EDARADD: variants seen among roughly 807,000 people sequenced by gnomAD.
The protein encoded by EDARADD is EDAR associated via death domain.
Under a neutral mutation model 25.6 loss-of-function variants are expected in EDARADD, and 20 were observed. That is an observed-to-expected ratio of 0.78 (90% CI 0.55 to 1.14). EDARADD has a LOEUF of 1.14. EDARADD is among the 50% of genes most tolerant of loss of function. The pLI is 0.00. For synonymous variants in EDARADD, 86 were observed against 94.4 expected, an observed-to-expected ratio of 0.91 and a Z score of 0.52; for missense variants, 225 against 270.1, an observed-to-expected ratio of 0.83 and a Z score of 1.17.
intron 3 of EDARADD, among the ~76,000 whole-genome samples, chr1:236,356,199 T>C (rs1558099075): frequency 6.6e-6 from 1 of 152,016 alleles, no homozygotes; most frequent in Non-Finnish European, 1.5e-5. Context: ...ATACCAGCAG[T>C]AGCCTCTCCC....
chr1:236,403,560 T>C (rs1443660285), intron 1 of EDARADD, among the ~76,000 whole-genome samples: 1 of 152,200 alleles, frequency 6.6e-6, no homozygotes, highest in African/African-American at 2.4e-5. Flanking sequence ...GTGCTGGGAT[T>C]ACAGGTGTGA....
intron 1 of EDARADD, among the ~76,000 whole-genome samples, chr1:236,404,464 C>T (rs1010601239): frequency 6.6e-6 from 1 of 152,110 alleles, no homozygotes; most frequent in Non-Finnish European, 1.5e-5. Context: ...GCATGGGCGC[C>T]ACCGTGGGCC....
chr1:236,363,006 A>AAAAAAAAAAAAAAAATATAT (rs1377112051), intron 3 of EDARADD, among the ~76,000 whole-genome samples: 1 of 42,950 alleles, frequency 2.3e-5, no homozygotes, highest in Non-Finnish European at 3.8e-5. Flanking sequence ...AAAAAAAAAA[A>AAAAAAAAAAAAAAAATATAT]ATATATATAT....
chr1:236,437,471 G>T (rs2103020643), intron 4 of EDARADD, among the ~76,000 whole-genome samples: 1 of 152,044 alleles, frequency 6.6e-6, no homozygotes, highest in East Asian at 1.9e-4. Flanking sequence ...TCCTAGCAGG[G>T]GATGGTCTAG....
At chr1:236,473,723 T>C (rs1040653765) in intron 5 of EDARADD, among the ~76,000 whole-genome samples, 16 of 152,048 alleles carry the variant, frequency 1.1e-4, no homozygotes, top group Non-Finnish European at 2.1e-4. Context: ...AGGTGGAGGC[T>C]GCAGTGAGGC....
At chr1:236,430,839 C>T (rs1658074449) in intron 4 of EDARADD, among the ~76,000 whole-genome samples, 1 of 152,120 alleles carries the variant, frequency 6.6e-6, no homozygotes, top group South Asian at 2.1e-4. Context: ...AGCTGGAGGC[C>T]GAGCTCGGTG....
chr1:236,469,334 C>T (rs1571955136), intron 5 of EDARADD, among the ~76,000 whole-genome samples: 2 of 151,854 alleles, frequency 1.3e-5, no homozygotes, highest in Non-Finnish European at 2.9e-5. Context: ...ATTAGCCAGG[C>T]GTGGTGATGG....
intron 5 of EDARADD, among the ~76,000 whole-genome samples, chr1:236,469,327 A>G (rs184317691): frequency 1.5e-3 from 223 of 152,170 alleles, no homozygotes; most frequent in African/African-American, 5.0e-3. Flanking sequence ...TACAAAAATT[A>G]GCCAGGCGTG....
At chr1:236,471,732 A>G (rs1659365738) in intron 5 of EDARADD, among the ~76,000 whole-genome samples, 1 of 152,196 alleles carries the variant, frequency 6.6e-6, no homozygotes, top group Non-Finnish European at 1.5e-5. Context: ...TCTGAGAGCT[A>G]ACAGTCCTCT....
intron 3 of EDARADD, among the ~76,000 whole-genome samples, chr1:236,374,987 C>T (rs1413277460): frequency 2.0e-5 from 3 of 151,680 alleles, no homozygotes; most frequent in Non-Finnish European, 4.4e-5. Context: ...TTGTCTTCTA[C>T]AGTTTTTCTG....
At chr1:236,429,801 G>A (rs1658047336) in intron 4 of EDARADD, among the ~76,000 whole-genome samples, 1 of 152,084 alleles carries the variant, frequency 6.6e-6, no homozygotes, top group South Asian at 2.1e-4. Context: ...GGACTTCCTT[G>A]GTCAGTTACT....
intron 3 of EDARADD, among the ~76,000 whole-genome samples, chr1:236,415,002 G>A (rs566795573): frequency 2.0e-5 from 3 of 152,250 alleles, no homozygotes; most frequent in Admixed American, 2.0e-4. Context: ...TCCATTCTTG[G>A]GCAGGATTTC....
chr1:236,434,113 C>T (rs1035893269), intron 4 of EDARADD, among the ~76,000 whole-genome samples: 9 of 152,298 alleles, frequency 5.9e-5, no homozygotes, highest in African/African-American at 1.7e-4. Context: ...CCAGAACCCT[C>T]CCAGTAGATG....
chr1:236,420,572 G>A (rs602550), intron 3 of EDARADD, among the ~76,000 whole-genome samples: 85,068 of 152,030 alleles, frequency 0.56, 26,475 homozygotes, highest in Non-Finnish European at 0.69. Context: ...AAGTTCCTTT[G>A]CTTTTCACTG....
chr1:236,351,262 T>A (rs1028524133), intron 3 of EDARADD, among the ~76,000 whole-genome samples: 1 of 152,156 alleles, frequency 6.6e-6, no homozygotes, highest in Non-Finnish European at 1.5e-5. Context: ...ACTATTTACA[T>A]TAATTTTGCC....
intron 4 of EDARADD, among the ~76,000 whole-genome samples, chr1:236,451,194 C>T (rs561741987): frequency 6.6e-6 from 1 of 152,260 alleles, no homozygotes; most frequent in African/African-American, 2.4e-5. Context: ...TCGCCATGGC[C>T]TCTGGAGCTA....
chr1:236,439,055 C>T (rs57869748), intron 4 of EDARADD, among the ~76,000 whole-genome samples: 7,784 of 152,292 alleles, frequency 0.051, 575 homozygotes, highest in African/African-American at 0.16. Flanking sequence ...TTTACTGTCT[C>T]CATACTTTTG....
At chr1:236,387,015 T>C (rs1441977684) in intron 3 of EDARADD, among the ~76,000 whole-genome samples, 2 of 25,718 alleles carry the variant, frequency 7.8e-5, no homozygotes, top group African/African-American at 1.2e-4. Context: ...GGAGCCCCTC[T>C]GCCCGGCCAG....
intron 5 of EDARADD, among the ~76,000 whole-genome samples, chr1:236,475,902 C>G (rs964451269): frequency 6.6e-6 from 1 of 152,146 alleles, no homozygotes; most frequent in African/African-American, 2.4e-5. Flanking sequence ...TTTAAAGAAA[C>G]TTTACAGGCC....
Sources: allele counts gnomAD v4.1 joint callset (sites outside exome capture counted in the v4.1 genomes callset), GRCh38; gene constraint gnomAD v4.1.1; transcripts MANE v1.5; gene names NCBI Gene and HGNC (gene_info 2026-07-23, HGNC 2026-07-21).